The following LCLAT1 variants were observed in gnomAD, a reference collection of about 807,000 sequenced individuals.
LCLAT1 encodes 1-AGP acyltransferase 8.
Under a neutral mutation model 30.7 loss-of-function variants are expected in LCLAT1, and 11 were observed. The ratio of observed to expected loss-of-function variants is 0.36; its 90% confidence interval spans 0.23 to 0.59. LCLAT1 has a LOEUF of 0.59. LCLAT1 is among the 20% of genes least tolerant of loss of function. The pLI is 0.77. For synonymous variants in LCLAT1, 155 were observed against 151.3 expected (o/e 1.02, Z -0.18); for missense variants, 402 against 458.6 (o/e 0.88, Z 1.13).
At chr2:30,458,023 G>A (rs1681919011) in intron 1 of LCLAT1, among the ~76,000 whole-genome samples, 1 of 151,308 alleles carries the variant, frequency 6.6e-6, no homozygotes, top group African/African-American at 2.4e-5. Context: ...TTGCCTTCCT[G>A]AGACTTCATT....
chr2:30,554,350 C>A lies in LCLAT1; in HGVS notation c.365-7796C>A, dbSNP rs535315748. ...TATCTAGTACTAAAAAATGGAAAAT[C>A]TAATCTCTGACAAATAAATAATTCT... is the stretch of plus-strand genomic sequence containing the variant. On this transcript the variant is annotated intron_variant, in intron 3 of 5. Coordinates refer to ENST00000379509, the MANE Select transcript of LCLAT1 (RefSeq NM_001002257.3). Among the ~76,000 whole-genome samples, 19 of 152,212 alleles carry A rather than the reference C, an allele frequency of 1.2e-4. No homozygotes were observed. In the East Asian group the frequency reaches 2.5e-3, roughly 20 times the overall value.
intron 5 of LCLAT1, among the ~76,000 whole-genome samples, chr2:30,631,812 T>TG (rs1233632140): frequency 2.0e-5 from 3 of 152,166 alleles, no homozygotes; most frequent in Admixed American, 2.0e-4. Context: ...GCTAGGCACT[T>TG]GGGGCTATTC....
chr2:30,618,989 T>A (rs1406516355), intron 5 of LCLAT1, among the ~76,000 whole-genome samples: 1 of 152,158 alleles, frequency 6.6e-6, no homozygotes, highest in Admixed American at 6.5e-5. Flanking sequence ...GTAACAAGTC[T>A]GGTAACAAGT....
rs139338826 is a variant in LCLAT1 at position 30,582,281 on chromosome 2, G to C, written c.628+14105G>C. 1.8e-3 allele frequency among the ~76,000 whole-genome samples: 275 copies of C among 149,012 alleles called. 1 individual carries two copies. The highest frequency in any genetic ancestry group is 6.4e-3 in the African/African-American group (257 of 40,360). Reference sequence around the variant, plus strand: ...AATGAATATATTAATGAATGTAACAGATATACTTCAATCAAATTGTATATG... The same window carrying C: ...AATGAATATATTAATGAATGTAACACATATACTTCAATCAAATTGTATATG... On this transcript the variant is annotated intron_variant, in intron 5 of 5. Coordinates refer to ENST00000379509, the MANE Select transcript of LCLAT1 (RefSeq NM_001002257.3).
chr2:30,587,262 ATCT>A (rs1666485476), intron 5 of LCLAT1, among the ~76,000 whole-genome samples: 1 of 152,232 alleles, frequency 6.6e-6, no homozygotes, highest in Non-Finnish European at 1.5e-5. Context: ...GATTTCAAGA[ATCT>A]TCTGTTCTCT....
At chr2:30,578,846 G>A (rs966329381) in intron 5 of LCLAT1, among the ~76,000 whole-genome samples, 8 of 152,006 alleles carry the variant, frequency 5.3e-5, no homozygotes, top group Non-Finnish European at 8.8e-5. Context: ...AGATTTACTT[G>A]TTTTCATTCA....
intron 1 of LCLAT1, among the ~76,000 whole-genome samples, chr2:30,496,985 A>G (rs1336432791): frequency 1.3e-5 from 2 of 152,244 alleles, no homozygotes; most frequent in African/African-American, 2.4e-5. Flanking sequence ...AGCCTTTATT[A>G]CAATGTCAGT....
At chr2:30,585,190 C>G (rs1451071063) in intron 5 of LCLAT1, among the ~76,000 whole-genome samples, 1 of 152,020 alleles carries the variant, frequency 6.6e-6, no homozygotes, top group African/African-American at 2.4e-5. Context: ...CCTTGTTTCC[C>G]TCTCAAGCGC....
rs1262784785 is a variant in LCLAT1 at position 30,521,489 on chromosome 2, C to CTTTTTTTT, written c.-4-4096_-4-4095insTTTTTTTT. 2.5e-3 allele frequency among the ~76,000 whole-genome samples: 140 copies of CTTTTTTTT among 55,530 alleles called. 3 individuals are homozygous for CTTTTTTTT. The highest frequency in any genetic ancestry group is 3.3e-3 in the Non-Finnish European group (103 of 31,252). The allele number at this position is 55,530 out of a possible 152,430, so 36.4% of individuals were successfully genotyped here. On this transcript the variant is annotated intron_variant, in intron 1 of 5. Coordinates refer to ENST00000379509, the MANE Select transcript of LCLAT1 (RefSeq NM_001002257.3). ...GTTTCCTCAACCCCCTAAACTACTTCTTCTTTTTTTTTTTTTTTTTTTTTT... is the reference window on the plus strand; with the variant it reads ...GTTTCCTCAACCCCCTAAACTACTTCTTTTTTTTTTCTTTTTTTTTTTTTTTTTTTTTT...
chr2:30,537,485 G>A (rs1439283314), intron 3 of LCLAT1, among the ~76,000 whole-genome samples: 3 of 148,496 alleles, frequency 2.0e-5, no homozygotes, highest in Non-Finnish European at 4.5e-5. Context: ...TAGTGATAAA[G>A]GGATCAATTC....
chr2:30,601,758 T>C lies in LCLAT1; in HGVS notation c.628+33582T>C, dbSNP rs909025869. ...CAATGCCAGAGATACACCAACAAAG[T>C]GACATAAATGTTGTATATAAGTTCT... On this transcript the variant is annotated intron_variant, in intron 5 of 5. Coordinates refer to ENST00000379509, the MANE Select transcript of LCLAT1 (RefSeq NM_001002257.3). 1.3e-4 allele frequency among the ~76,000 whole-genome samples: 20 copies of C among 151,262 alleles called. 1 individual carries two copies. The highest frequency in any genetic ancestry group is 4.9e-4 in the African/African-American group (20 of 40,680).
At chr2:30,473,936 T>A (rs766163489) in intron 1 of LCLAT1, among the ~76,000 whole-genome samples, 1 of 152,242 alleles carries the variant, frequency 6.6e-6, no homozygotes, top group Non-Finnish European at 1.5e-5. Context: ...ACCTTTCCAG[T>A]CCAATTCACT....
intron 3 of LCLAT1, among the ~76,000 whole-genome samples, chr2:30,559,609 T>A (rs995767264): frequency 2.6e-5 from 4 of 152,248 alleles, no homozygotes; most frequent in Admixed American, 1.3e-4. Context: ...TTATTATAGA[T>A]AATCTATAGC....
rs1163481943 is a variant in LCLAT1, at chr2:30,464,742, G to A, written c.-5+17359G>A. ...AAATTCCCGAGTTAATTTCAGTGGTGTTTGTTTGCAGTGTCTAGGGTCAGA... is the reference window on the plus strand; with the variant it reads ...AAATTCCCGAGTTAATTTCAGTGGTATTTGTTTGCAGTGTCTAGGGTCAGA... On this transcript the variant is annotated intron_variant, in intron 1 of 5. Transcript: ENST00000379509. 3.3e-5 allele frequency among the ~76,000 whole-genome samples: 5 copies of A among 152,282 alleles called. No homozygotes were observed. The East Asian group carries it at 7.7e-4, about 24-fold the overall frequency.
intron 5 of LCLAT1, among the ~76,000 whole-genome samples, chr2:30,599,603 T>C (rs1667087295): frequency 6.6e-6 from 1 of 152,234 alleles, no homozygotes. Context: ...TGTAGGTCTC[T>C]AAGACCTTGT....
intron 1 of LCLAT1, among the ~76,000 whole-genome samples, chr2:30,519,643 A>G (rs1431399572): frequency 6.6e-6 from 1 of 152,194 alleles, no homozygotes; most frequent in African/African-American, 2.4e-5. Context: ...AGAGCTCACT[A>G]AAATGCCCAT....
chr2:30,630,117 A>G (rs1185303390), intron 5 of LCLAT1, among the ~76,000 whole-genome samples: 2 of 152,134 alleles, frequency 1.3e-5, no homozygotes, highest in Admixed American at 6.5e-5. Context: ...CCTCTCCTTC[A>G]TGGCTCGCAG....
intron 5 of LCLAT1, among the ~76,000 whole-genome samples, chr2:30,585,645 T>C (rs1282951232): frequency 6.6e-6 from 1 of 152,206 alleles, no homozygotes; most frequent in East Asian, 1.9e-4. Flanking sequence ...CCTTATGCTT[T>C]TTCCCTATCC....
intron 1 of LCLAT1, among the ~76,000 whole-genome samples, chr2:30,489,704 C>G (rs764023990): frequency 3.9e-5 from 6 of 152,000 alleles, no homozygotes; most frequent in Non-Finnish European, 7.4e-5. Flanking sequence ...CCTATTCTGT[C>G]CCATCTGGTC....
Sources: allele counts gnomAD v4.1 joint callset (sites outside exome capture counted in the v4.1 genomes callset), GRCh38; gene constraint gnomAD v4.1.1; transcripts MANE v1.5; gene names NCBI Gene and HGNC (gene_info 2026-07-23, HGNC 2026-07-21).